NXT2: variants seen among roughly 807,000 people sequenced by gnomAD.
NXT2 encodes the protein NTF2-related export protein 2.
A neutral mutation model predicts 9.6 loss-of-function variants in NXT2; 1 was observed. The ratio of observed to expected loss-of-function variants is 0.10; its 90% CI spans 0.04 to 0.49. The LOEUF is 0.49. Ranked by LOEUF, NXT2 falls within the 20% of genes least tolerant of loss-of-function variation. NXT2 has a pLI of 0.95. For synonymous variants in NXT2, 22 were observed against 35.4 expected (o/e 0.62, Z 1.34); for missense variants, 48 against 100.3 (o/e 0.48, Z 2.23).
intron 2 of NXT2, among the ~76,000 whole-genome samples, chrX:109,538,887 A>G (rs927500659): frequency 9.0e-6 from 1 of 110,988 alleles, no homozygotes; most frequent in Non-Finnish European, 1.9e-5. Context: ...TTATATATAT[A>G]TATACTTTAA....
intron 2 of NXT2, among the ~76,000 whole-genome samples, chrX:109,540,233 G>C (rs1378641536): frequency 9.1e-6 from 1 of 110,428 alleles, no homozygotes; most frequent in Non-Finnish European, 1.9e-5. Context: ...AATGTGTATT[G>C]TACCTTACTG....
chrX:109,536,665 C>T, upstream of NXT2: 1 of 345,152 alleles, frequency 2.9e-6, no homozygotes. Flanking sequence ...TTGCTTGTCC[C>T]CAGGCTTGTC....
intron 2 of NXT2, among the ~76,000 whole-genome samples, chrX:109,539,231 C>T (rs1276199770): frequency 8.9e-6 from 1 of 112,201 alleles, no homozygotes; most frequent in Non-Finnish European, 1.9e-5. Context: ...GCATAGTATT[C>T]CATGGTGTAT....
At position 109,542,685 on chromosome X, in the gene NXT2, T is replaced by C. The variant is rs931910064; in HGVS notation, c.426T>C (p.Ser142=). ...TCCGTTTTCAAGATTGGTCTAGTAG[T>C]TAAAGGGGCAAAAGTCCATTCTCAT... The part of the protein sequence containing the change: ...DCFRFQDWSS[S] Residue 142 remains serine (S), a synonymous_variant, in exon 4 of 4, where the codon AGT becomes AGC. Transcript: ENST00000372106. 2.6e-6 allele frequency: 3 copies of C among 1,159,510 alleles called. No homozygotes were observed. Among genetic ancestry groups the C allele is most frequent in the Non-Finnish European group, 3.5e-6 (3 of 864,904 alleles).
intron 1 of NXT2, chrX:109,537,492 A>G (rs1175354542): frequency 2.1e-6 from 1 of 486,041 alleles, no homozygotes; most frequent in Non-Finnish European, 2.5e-6. Context: ...ACAGCAGTGA[A>G]TATTTACGCA....
chrX:109,542,621 C>T lies in NXT2; in HGVS notation c.362C>T (p.Thr121Ile). The change falls in exon 4 of 4, where the codon ACT becomes ATT. Residue 121 changes from threonine to isoleucine, a missense_variant. Thr to Ile is a moderately conservative substitution (Grantham distance 89, BLOSUM62 -1). Transcript: ENST00000372106. ...NQNFLLTAQSTPNNTVWKIAS... is the reference protein window; with the variant it reads ...NQNFLLTAQSIPNNTVWKIAS... ...AACTTCCTGCTGACTGCTCAGTCCA[C>T]TCCCAACAATACTGTGTGGAAGATT... 8.3e-7 allele frequency: 1 copy of T among 1,207,413 alleles called. No individual in the cohort carries two copies. Among genetic ancestry groups the T allele is most frequent in the Non-Finnish European group, 1.1e-6 (1 of 892,941 alleles).
chrX:109,543,272 AAATT>A lies in NXT2; in HGVS notation c.*588_*591del, dbSNP rs1242958898. The stretch of plus-strand genomic sequence containing the variant: ...GTTTTGGCATTTTTTTGTGTGAAGT[AAATT>A]AATCAACTAGAGAGGTGCAAAACGT... On this transcript the variant is annotated 3_prime_UTR_variant, in exon 4 of 4. Coordinates refer to ENST00000372106, the MANE Select transcript of NXT2 (RefSeq NM_001242617.2). 8.9e-6 allele frequency: 1 copy of A among 112,305 alleles called. No homozygotes were observed. Among genetic ancestry groups the A allele is most frequent in the Non-Finnish European group, 1.9e-5 (1 of 53,185 alleles). The allele number at this position is 112,305 out of a possible 1,213,427, so 9.3% of individuals were successfully genotyped here.
upstream of NXT2, chrX:109,536,611 G>A (rs941871417): frequency 4.0e-5 from 8 of 197,907 alleles, no homozygotes; most frequent in African/African-American, 2.4e-4. Context: ...CTTTGGCTCC[G>A]CCTCCTGGGG....
chrX:109,542,366 T>A, intron 3 of NXT2, 141 bp from the exon 4 acceptor site: 1 of 435,746 alleles, frequency 2.3e-6, no homozygotes, highest in Non-Finnish European at 3.7e-6. Flanking sequence ...GTATGCATGC[T>A]TAAGATTATG....
chrX:109,541,308 G>A (rs1228247592), intron 2 of NXT2, among the ~76,000 whole-genome samples, 167 bp from the exon 3 acceptor site: 2 of 112,225 alleles, frequency 1.8e-5, no homozygotes, highest in Admixed American at 9.5e-5. Flanking sequence ...TAAGACAGAC[G>A]TTTTGTTCAC....
chrX:109,542,384 G>C (rs1933438201), intron 3 of NXT2, 123 bp from the exon 4 acceptor site: 1 of 502,673 alleles, frequency 2.0e-6, no homozygotes, highest in Non-Finnish European at 3.1e-6. Context: ...ATGCTCAAGG[G>C]ACAGAAAGTG....
chrX:109,536,034 T>C, upstream of NXT2: 1 of 956,288 alleles, frequency 1.0e-6, no homozygotes, highest in Non-Finnish European at 1.5e-6. Context: ...TTGGCGGCTT[T>C]GGGATGAGAG....
Position 109,536,996 on chromosome X carries a change from C to T in NXT2, c.-11C>T, listed in dbSNP as rs1255595884. On this transcript the variant is annotated 5_prime_UTR_variant, in exon 1 of 4. Transcript: ENST00000372106. ...CCGACACTGCCAGAACACACTGCTACAAGGTCCCAGATGGCCACGTCTCTG... is the reference window on the plus strand; with the variant it reads ...CCGACACTGCCAGAACACACTGCTATAAGGTCCCAGATGGCCACGTCTCTG... 2.1e-5 allele frequency: 26 copies of T among 1,210,195 alleles called. No homozygotes were observed. Among genetic ancestry groups the T allele is most frequent in the Non-Finnish European group, 2.9e-5 (26 of 895,183 alleles).
chrX:109,536,740 T>C, upstream of NXT2: 1 of 807,171 alleles, frequency 1.2e-6, no homozygotes, highest in Non-Finnish European at 1.6e-6. Flanking sequence ...GCTTTTAAAT[T>C]TTAAACTAAG....
At position 109,544,172 on chromosome X, in the gene NXT2, A is replaced by G. The variant is rs902800579; in HGVS notation, c.*1484A>G. 3 of 112,699 alleles carry G rather than the reference A, an allele frequency of 2.7e-5. No individual in the cohort carries two copies. The highest frequency in any genetic ancestry group is 9.7e-5 in the African/African-American group (3 of 31,004). The allele number at this position is 112,699 out of a possible 1,213,427, so 9.3% of individuals were successfully genotyped here. A position where few individuals can be genotyped will look rare whatever the true frequency, so the allele number is the denominator to read the frequency against. On this transcript the variant is annotated 3_prime_UTR_variant, in exon 4 of 4. Coordinates refer to ENST00000372106, the MANE Select transcript of NXT2 (RefSeq NM_001242617.2). ...TTAATGTTTGTAAGCTAGATATGCC[A>G]GCTTTGTTTCTACATTGCAACCAAA...
intron 2 of NXT2, among the ~76,000 whole-genome samples, chrX:109,539,059 T>C (rs764693492): frequency 1.7e-3 from 191 of 110,855 alleles, no homozygotes; most frequent in African/African-American, 6.0e-3. Context: ...TGTGTGATGT[T>C]CCCTTCCCTG....
At position 109,538,148 on chromosome X, in the gene NXT2, C is replaced by T. The variant is rs1227058892; in HGVS notation, c.102+17C>T. On this transcript the variant is annotated intron_variant, in intron 2 of 3. Coordinates refer to ENST00000372106, the MANE Select transcript of NXT2 (RefSeq NM_001242617.2). ...AGAAGACGGGTGAGTGTTATAGACT[C>T]TACTACTCTTTATAGACTACTACTC... The T allele has an allele frequency of 9.2e-6, 9 of 981,453 alleles. No homozygotes were observed. The Admixed American group carries it at 1.6e-4, about 18-fold the overall frequency. 80.9% of individuals were successfully genotyped at this position (981,453 alleles called of 1,213,427 possible). A position where few individuals can be genotyped will look rare whatever the true frequency, so the allele number is the denominator to read the frequency against.
chrX:109,541,383 A>G, intron 2 of NXT2, 92 bp from the exon 3 acceptor site: 1 of 823,371 alleles, frequency 1.2e-6, no homozygotes, highest in Non-Finnish European at 1.7e-6. Flanking sequence ...AAAAATGTTT[A>G]TATACCATCT....
chrX:109,542,477 T>C, intron 3 of NXT2, 30 bp from the exon 4 acceptor site: 1 of 1,126,640 alleles, frequency 8.9e-7, no homozygotes, highest in Non-Finnish European at 1.2e-6. Flanking sequence ...GAAAATGATG[T>C]GTTCTCTTTT....
Sources: gnomAD v4.1 joint callset for allele counts (sites outside exome capture counted in the v4.1 genomes callset) on GRCh38, gnomAD v4.1.1 for gene constraint, MANE v1.5 for transcripts, NCBI Gene and HGNC (gene_info 2026-07-23, HGNC 2026-07-21) for gene names.